Variants in SRGAP2 observed in about 807,000 individuals in gnomAD.
SRGAP2 encodes the protein SLIT-ROBO Rho GTPase activating protein 2, also known as SLIT-ROBO Rho GTPase-activating protein 2.
SRGAP2 carries 15 observed loss-of-function variants against 57.2 expected under a neutral mutation model. That is an observed-to-expected ratio of 0.26 (90% CI 0.18 to 0.40). The LOEUF (loss-of-function observed/expected upper bound fraction) is 0.40. Ranked by LOEUF, SRGAP2 falls within the 10% of genes least tolerant of loss-of-function variation. The pLI is 1.00. For synonymous variants in SRGAP2, 249 were observed against 248.0 expected (o/e 1.00, Z -0.04); for missense variants, 520 against 669.6 (o/e 0.78, Z 2.47).
intron 11 of SRGAP2, 146 bp from the exon 12 acceptor site, chr1:206,419,225 GTC>G (rs371788234): frequency 6.9e-3 from 4,108 of 591,558 alleles, no homozygotes; most frequent in East Asian, 7.8e-3. Context: ...GTCTCTCTCT[GTC>G]TCTCTCTCTC....
intron 13 of SRGAP2, among the ~76,000 whole-genome samples, chr1:206,424,149 A>C (rs1488830321): frequency 6.6e-6 from 1 of 151,912 alleles, no homozygotes; most frequent in African/African-American, 2.4e-5. Context: ...ATGTTTTCCA[A>C]CTTAGGCCCT....
At position 206,438,923 on chromosome 1, in the gene SRGAP2, A is replaced by G. The variant is rs542335384; in HGVS notation, c.1768+825A>G. Reference sequence around the variant, plus strand: ...TTGTCCCTCTCTGTTATCCTGAGAAATGCCCAGGGCATTTGGGAAGCTGGC... The same window carrying G: ...TTGTCCCTCTCTGTTATCCTGAGAAGTGCCCAGGGCATTTGGGAAGCTGGC... On this transcript the variant is annotated intron_variant, in intron 16 of 22. Coordinates refer to ENST00000573034, the MANE Select transcript of SRGAP2 (RefSeq NM_015326.5). 4.6e-5 allele frequency among the ~76,000 whole-genome samples: 7 copies of G among 152,304 alleles called. No individual in the cohort carries two copies. The South Asian group carries it at 1.5e-3, about 32-fold the overall frequency.
chr1:206,230,586 G>GT (rs1667569018), intron 2 of SRGAP2, among the ~76,000 whole-genome samples: 1 of 151,424 alleles, frequency 6.6e-6, no homozygotes, highest in Non-Finnish European at 1.5e-5. Flanking sequence ...TAGAGATAGA[G>GT]TTATTAACAA....
intron 4 of SRGAP2, among the ~76,000 whole-genome samples, chr1:206,372,994 TTTC>T (rs1654806090): frequency 8.7e-6 from 1 of 114,864 alleles, no homozygotes; most frequent in African/African-American, 3.6e-5. Context: ...TCTTTCTTTC[TTTC>T]TTTCTTTCTT....
chr1:206,442,949 G>A (rs572756010), intron 17 of SRGAP2, among the ~76,000 whole-genome samples: 1 of 152,150 alleles, frequency 6.6e-6, no homozygotes, highest in South Asian at 2.1e-4. Flanking sequence ...GTTTGTTCTT[G>A]GATTGGACAC....
chr1:206,325,513 T>C (rs1261361671), intron 3 of SRGAP2, among the ~76,000 whole-genome samples: 2 of 151,320 alleles, frequency 1.3e-5, no homozygotes, highest in Non-Finnish European at 2.9e-5. Flanking sequence ...CCAGCTAGTT[T>C]TTTGTATTTT....
At chr1:206,427,964 G>A (rs1055097195) in intron 13 of SRGAP2, among the ~76,000 whole-genome samples, 2 of 152,084 alleles carry the variant, frequency 1.3e-5, no homozygotes, top group Non-Finnish European at 2.9e-5. Flanking sequence ...CGTGCTGGGT[G>A]TGGTCTGGGT....
intron 4 of SRGAP2, among the ~76,000 whole-genome samples, chr1:206,374,015 C>T (rs1654970632): frequency 8.2e-6 from 1 of 122,140 alleles, no homozygotes; most frequent in African/African-American, 3.5e-5. Flanking sequence ...GGTAGATACA[C>T]ATTCTTTTTT....
rs1319727148 is a variant in SRGAP2, at chr1:206,325,854, C to T, written c.261-16992C>T. 3.4e-4 allele frequency among the ~76,000 whole-genome samples: 51 copies of T among 152,188 alleles called. 1 individual carries two copies. The highest frequency in any genetic ancestry group is 1.2e-3 in the African/African-American group (50 of 41,424). On this transcript the variant is annotated intron_variant, in intron 3 of 22. Coordinates refer to ENST00000573034, the MANE Select transcript of SRGAP2 (RefSeq NM_015326.5). ...ATTTGAAAGGCAGATTCCTGGGCAT[C>T]AGTCCACCCCTAGTAAGTTGTAATC...
intron 2 of SRGAP2, among the ~76,000 whole-genome samples, chr1:206,240,287 A>T (rs1461915236): frequency 2.9e-5 from 4 of 139,880 alleles, no homozygotes; most frequent in Non-Finnish European, 6.3e-5. Context: ...AAAAAAAAAG[A>T]CATTGACTGG....
Position 206,290,612 on chromosome 1 carries a change from A to AGC in SRGAP2, c.68-12668_68-12667dup, listed in dbSNP as rs1228695292. On this transcript the variant is annotated intron_variant, in intron 2 of 22. Transcript: ENST00000573034. ...GGCTGAGATTGCTCTATTGCACTCC[A>AGC]GCCTGGGCAACAGAGCGAGACTCCA... Among the ~76,000 whole-genome samples, 5 of 143,064 alleles carry AGC rather than the reference A, an allele frequency of 3.5e-5. No homozygotes were observed. In the East Asian group the frequency reaches 1.0e-3, roughly 29 times the overall value. The allele number at this position is 143,064 out of a possible 152,430, so 93.9% of individuals were successfully genotyped here.
intron 17 of SRGAP2, among the ~76,000 whole-genome samples, chr1:206,442,271 C>T (rs1246163304): frequency 1.3e-5 from 2 of 152,238 alleles, no homozygotes; most frequent in Non-Finnish European, 2.9e-5. Flanking sequence ...CAGGCCCTGA[C>T]TCAGCACCAC....
At chr1:206,281,423 T>G (rs1411069918) in intron 2 of SRGAP2, among the ~76,000 whole-genome samples, 1 of 122,668 alleles carries the variant, frequency 8.2e-6, no homozygotes, top group Non-Finnish European at 1.6e-5. Context: ...GTCAAAAAAT[T>G]TTTTAAATCA....
chr1:206,322,932 G>T (rs2102839145), intron 3 of SRGAP2, among the ~76,000 whole-genome samples: 1 of 147,526 alleles, frequency 6.8e-6, no homozygotes, highest in Non-Finnish European at 1.5e-5. Flanking sequence ...TGAGTGAAAA[G>T]AAAGCAAACA....
chr1:206,241,753 G>C (rs1238459674), intron 2 of SRGAP2, among the ~76,000 whole-genome samples: 1 of 149,420 alleles, frequency 6.7e-6, no homozygotes, highest in Non-Finnish European at 1.5e-5. Flanking sequence ...AAGTCTTCTC[G>C]AACCTATGTC....
chr1:206,206,358 C>A (rs1460376218), intron 2 of SRGAP2: 1 of 259,498 alleles, frequency 3.9e-6, no homozygotes, highest in Admixed American at 4.9e-5. Context: ...AGTTTGCCTC[C>A]GGTTCTCTGG....
chr1:206,444,369 CAG>C (rs1662573352), intron 17 of SRGAP2, among the ~76,000 whole-genome samples: 2 of 152,216 alleles, frequency 1.3e-5, no homozygotes, highest in Non-Finnish European at 2.9e-5. Flanking sequence ...ATGAATTGAA[CAG>C]TTCTTACCTT....
At chr1:206,421,799 G>A (rs1360762441) in intron 13 of SRGAP2, among the ~76,000 whole-genome samples, 1 of 152,206 alleles carries the variant, frequency 6.6e-6, no homozygotes, top group East Asian at 1.9e-4. Flanking sequence ...GCAATTTGGT[G>A]CATGATCTTC....
At chr1:206,301,184 A>G (rs1157929175) in intron 2 of SRGAP2, among the ~76,000 whole-genome samples, 20 of 150,730 alleles carry the variant, frequency 1.3e-4, no homozygotes, top group South Asian at 4.2e-4. Flanking sequence ...GGCACCTGCC[A>G]CCATGCCTGG....
Sources: allele counts gnomAD v4.1 joint callset (sites outside exome capture counted in the v4.1 genomes callset), GRCh38; gene constraint gnomAD v4.1.1; transcripts MANE v1.5; gene names NCBI Gene and HGNC (gene_info 2026-07-23, HGNC 2026-07-21).